Variants in NHSL1 observed in about 807,000 individuals in gnomAD.
The protein encoded by NHSL1 is NHS-like protein 1.
Under a neutral mutation model 95.0 loss-of-function variants are expected in NHSL1, and 48 were observed. That is an observed-to-expected ratio of 0.51 (90% CI 0.40 to 0.64). The LOEUF is 0.64. Ranked by LOEUF, NHSL1 falls within the 30% of genes least tolerant of loss-of-function variation. The pLI, the probability that NHSL1 is intolerant of heterozygous loss-of-function variation, is 0.00. For synonymous variants in NHSL1, 783 were observed against 833.9 expected (o/e 0.94, Z 1.05); for missense variants, 1,971 against 2,077.7 (o/e 0.95, Z 1.00).
At chr6:138,650,647 C>G in intron 1 of NHSL1, 1 of 567,614 alleles carries the variant, frequency 1.8e-6, no homozygotes, top group Non-Finnish European at 3.5e-6. Flanking sequence ...TCCTTGGCTT[C>G]CCATCCCACA....
At chr6:138,554,929 C>T (rs1270004306) in intron 1 of NHSL1, among the ~76,000 whole-genome samples, 5 of 152,202 alleles carry the variant, frequency 3.3e-5, no homozygotes, top group Admixed American at 1.3e-4. Flanking sequence ...TGAGTTACTT[C>T]AGGACCCATA....
chr6:138,446,745 C>T, intron 4 of NHSL1: 3 of 480,864 alleles, frequency 6.2e-6, no homozygotes, highest in Middle Eastern at 5.8e-4. Context: ...AAGAGACACT[C>T]TTAAGATGAA....
intron 1 of NHSL1, among the ~76,000 whole-genome samples, chr6:138,497,049 G>A (rs6570240): frequency 0.98 from 149,613 of 152,292 alleles, 73,521 homozygotes; most frequent in Middle Eastern, 1. Context: ...ACACAATCCA[G>A]TTCAACTAAA....
intron 1 of NHSL1, among the ~76,000 whole-genome samples, chr6:138,555,924 G>C (rs966039526): frequency 1.3e-5 from 2 of 151,996 alleles, no homozygotes; most frequent in Non-Finnish European, 2.9e-5. Flanking sequence ...CCTTGAGCAA[G>C]CTAACTCACT....
At chr6:138,543,379 T>C (rs999442656) in intron 1 of NHSL1, among the ~76,000 whole-genome samples, 1 of 152,156 alleles carries the variant, frequency 6.6e-6, no homozygotes, top group Non-Finnish European at 1.5e-5. Context: ...ATAGTGACAA[T>C]AATGAGAAAG....
At chr6:138,552,587 G>T (rs1328222386) in intron 1 of NHSL1, among the ~76,000 whole-genome samples, 1 of 152,072 alleles carries the variant, frequency 6.6e-6, no homozygotes, top group Non-Finnish European at 1.5e-5. Flanking sequence ...TGGCACCCTA[G>T]CTGGCTCTCC....
At position 138,422,694 on chromosome 6, in the gene NHSL1, T is replaced by C. The variant is rs1322783098; in HGVS notation, c.*1387A>G. ...AAAATAAAGACTTCACACACGTGTG[T>C]CCCATGTCTAAAATTGTTGAAAATC... On this transcript the variant is annotated 3_prime_UTR_variant, in exon 8 of 8. Coordinates refer to ENST00000343505, the MANE Select transcript of NHSL1 (RefSeq NM_001144060.2). 1.3e-5 allele frequency: 2 copies of C among 152,198 alleles called. No individual in the cohort carries two copies. The highest frequency in any genetic ancestry group is 2.9e-5 in the Non-Finnish European group (2 of 68,044). The allele number at this position is 152,198 out of a possible 1,614,324, so 9.4% of individuals were successfully genotyped here.
chr6:138,523,856 T>C (rs771159780), intron 1 of NHSL1, among the ~76,000 whole-genome samples: 3 of 152,166 alleles, frequency 2.0e-5, no homozygotes, highest in Non-Finnish European at 4.4e-5. Flanking sequence ...AATGGCAAGA[T>C]TGCTTGTGTC....
chr6:138,543,158 A>G (rs1330444558), intron 1 of NHSL1, among the ~76,000 whole-genome samples: 1 of 152,178 alleles, frequency 6.6e-6, no homozygotes, highest in African/African-American at 2.4e-5. Flanking sequence ...GATTAGCCAT[A>G]ATTCACTTCC....
At chr6:138,632,503 C>T (rs964991495) in intron 1 of NHSL1, among the ~76,000 whole-genome samples, 11 of 152,188 alleles carry the variant, frequency 7.2e-5, no homozygotes, top group Non-Finnish European at 1.5e-4. Context: ...CCACCCCCAA[C>T]CAGGTGGCTC....
intron 1 of NHSL1, among the ~76,000 whole-genome samples, chr6:138,642,143 T>C (rs1784967538): frequency 2.0e-5 from 3 of 152,122 alleles, no homozygotes; most frequent in Admixed American, 1.3e-4. Flanking sequence ...AATTTTTGAG[T>C]TGTCAATACT....
At chr6:138,425,282 A>G (rs1775189305) in intron 7 of NHSL1, among the ~76,000 whole-genome samples, 1 of 152,074 alleles carries the variant, frequency 6.6e-6, no homozygotes, top group Non-Finnish European at 1.5e-5. Flanking sequence ...TTTTTAGTAG[A>G]GACGGGGTTT....
intron 3 of NHSL1, among the ~76,000 whole-genome samples, chr6:138,451,914 C>CTGGCACTGTCACTTACTAGGTGTATGTTT (rs1777264290): frequency 6.6e-6 from 1 of 152,202 alleles, no homozygotes; most frequent in East Asian, 1.9e-4. Flanking sequence ...TACCAGCATC[C>CTGGCACTGTCACTTACTAGGTGTATGTTT]TGGCACTGTC....
At chr6:138,622,352 A>G (rs1288416379) in intron 1 of NHSL1, among the ~76,000 whole-genome samples, 1 of 151,878 alleles carries the variant, frequency 6.6e-6, no homozygotes, top group Admixed American at 6.6e-5. Context: ...AATCCAAAAA[A>G]AAATAGCCGG....
intron 3 of NHSL1, among the ~76,000 whole-genome samples, chr6:138,450,930 CG>C (rs1777192796): frequency 6.6e-6 from 1 of 152,120 alleles, no homozygotes; most frequent in South Asian, 2.1e-4. Context: ...ATAGTAATAC[CG>C]GATTATTACA....
chr6:138,659,010 A>G (rs1785191102), intron 1 of NHSL1, among the ~76,000 whole-genome samples: 1 of 151,680 alleles, frequency 6.6e-6, no homozygotes, highest in Admixed American at 6.6e-5. Context: ...GGAATAAGGA[A>G]GTCACTATGT....
Position 138,486,081 on chromosome 6 carries a change from C to T in NHSL1, c.211+10138G>A, listed in dbSNP as rs144619358. 1.8e-3 allele frequency among the ~76,000 whole-genome samples: 268 copies of T among 152,274 alleles called. 1 individual carries two copies. The highest frequency in any genetic ancestry group is 6.0e-3 in the African/African-American group (250 of 41,564). On this transcript the variant is annotated intron_variant, in intron 2 of 7. Coordinates refer to ENST00000343505, the MANE Select transcript of NHSL1 (RefSeq NM_001144060.2). ...GCAACCTCCGACCCTCCGCTTTGCC[C>T]TGAGTTGACTGCCTCCTTCCTGCTT... is the stretch of plus-strand genomic sequence containing the variant.
At chr6:138,435,611 A>C (rs1426667174) in intron 5 of NHSL1, among the ~76,000 whole-genome samples, 2 of 152,188 alleles carry the variant, frequency 1.3e-5, no homozygotes, top group Non-Finnish European at 1.5e-5. Context: ...ATATTTTCAC[A>C]GTATAAAAAG....
upstream of NHSL1, among the ~76,000 whole-genome samples, chr6:138,550,170 C>T (rs563422298): frequency 4.6e-5 from 7 of 152,010 alleles, no homozygotes; most frequent in South Asian, 4.2e-4. Flanking sequence ...ACCTGGGAGG[C>T]GGAGGTTGCA....
Sources: allele counts gnomAD v4.1 joint callset (sites outside exome capture counted in the v4.1 genomes callset), GRCh38; gene constraint gnomAD v4.1.1; transcripts MANE v1.5; gene names NCBI Gene and HGNC (gene_info 2026-07-23, HGNC 2026-07-21).